Variants in ASAP2 observed in about 807,000 individuals in gnomAD.
The protein encoded by ASAP2 is ArfGAP with SH3 domain, ankyrin repeat and PH domain 2.
Under a neutral mutation model 131.4 loss-of-function variants are expected in ASAP2, and 45 were observed. That is an observed-to-expected ratio of 0.34 (90% CI 0.27 to 0.44). ASAP2 has a LOEUF of 0.44. Ranked by LOEUF, ASAP2 falls within the 20% of genes least tolerant of loss-of-function variation. ASAP2 has a pLI of 1.00. For missense variants in ASAP2, 1,011 were observed against 1,297.0 expected (o/e 0.78, Z 3.39); for synonymous variants, 510 against 503.0 (o/e 1.01, Z -0.19).
At chr2:9,328,759 T>C (rs1173159719) in intron 7 of ASAP2, among the ~76,000 whole-genome samples, 2 of 152,122 alleles carry the variant, frequency 1.3e-5, no homozygotes, top group African/African-American at 4.8e-5. Context: ...CCAACACACA[T>C]GTCAGGTGCT....
chr2:9,291,915 C>T (rs184197261), intron 2 of ASAP2, among the ~76,000 whole-genome samples: 1 of 152,000 alleles, frequency 6.6e-6, no homozygotes, highest in Admixed American at 6.6e-5. Context: ...CAGCTCTTAG[C>T]TCTTATCTAG....
chr2:9,312,883 G>A (rs181389904), intron 3 of ASAP2, among the ~76,000 whole-genome samples: 4 of 152,194 alleles, frequency 2.6e-5, no homozygotes, highest in East Asian at 3.9e-4. Flanking sequence ...ATGAAACCCC[G>A]TCTCTACTAA....
chr2:9,258,208 T>C (rs1665297760), intron 1 of ASAP2, among the ~76,000 whole-genome samples: 1 of 148,444 alleles, frequency 6.7e-6, no homozygotes, highest in South Asian at 2.1e-4. Context: ...GTGTGGGGGC[T>C]CACGCCTGGC....
At position 9,281,406 on chromosome 2, in the gene ASAP2, G is replaced by A. The variant is rs1392747390; in HGVS notation, c.199+2017G>A. Among the ~76,000 whole-genome samples the A allele has an allele frequency of 6.6e-6, 1 of 152,196 alleles. No homozygotes were observed. The highest frequency in any genetic ancestry group is 1.5e-5 in the Non-Finnish European group (1 of 68,036). Reference sequence around the variant, plus strand: ...ACAGCCCTGCATTTGAAGGGAGAAGGCGCTAGTGCTTCGGTGTCAGGAAGC... The same window carrying A: ...ACAGCCCTGCATTTGAAGGGAGAAGACGCTAGTGCTTCGGTGTCAGGAAGC... On this transcript the variant is annotated intron_variant, in intron 2 of 27. Transcript: ENST00000281419. The surrounding 1 kb of genome is among the most constrained non-coding windows in gnomAD (Gnocchi z 4.0).
At chr2:9,253,777 A>G (rs1664895091) in intron 1 of ASAP2, among the ~76,000 whole-genome samples, 1 of 152,154 alleles carries the variant, frequency 6.6e-6, no homozygotes, top group African/African-American at 2.4e-5. Context: ...GTTCTGTTGT[A>G]TGGATACAGA....
chr2:9,313,095 T>C (rs1669413928), intron 3 of ASAP2, among the ~76,000 whole-genome samples: 1 of 151,500 alleles, frequency 6.6e-6, no homozygotes, highest in Non-Finnish European at 1.5e-5. Context: ...GGTTGTTGAG[T>C]GTCTCATTGC....
At chr2:9,293,307 T>C (rs1223402906) in intron 2 of ASAP2, among the ~76,000 whole-genome samples, 2 of 152,190 alleles carry the variant, frequency 1.3e-5, no homozygotes, top group Non-Finnish European at 2.9e-5. Context: ...AACGAAGTCT[T>C]GTCCTAGCAT....
rs1234065099 is a variant in ASAP2, at chr2:9,327,883, C to T, written c.658C>T (p.Leu220=). ...AAAGGGAGTAGATTTACTTCAGAAT[C>T]TGATCAAATACTTTCATGCCCAATG... ...IKKGVDLLQN[L]IKYFHAQCNF... Residue 220 remains leucine, a synonymous_variant, in exon 7 of 28, where the codon CTG becomes TTG. Transcript: ENST00000281419. 5 of 1,584,598 alleles carry T rather than the reference C, an allele frequency of 3.2e-6. No individual in the cohort carries two copies. The highest frequency in any genetic ancestry group is 2.4e-5 in the South Asian group (2 of 84,648).
At chr2:9,391,918 T>C (rs968098994) in intron 23 of ASAP2, among the ~76,000 whole-genome samples, 15 of 151,948 alleles carry the variant, frequency 9.9e-5, no homozygotes, top group African/African-American at 3.6e-4. Context: ...TCTCTCTTTG[T>C]CCCCCAGGCT....
chr2:9,344,455 A>T, intron 9 of ASAP2, 77 bp from the exon 10 acceptor site: 2 of 1,232,804 alleles, frequency 1.6e-6, no homozygotes, highest in Non-Finnish European at 1.2e-6. Context: ...CATTAGGCAT[A>T]AGTTTCCTTT....
At chr2:9,380,859 AG>A (rs937358949) in intron 20 of ASAP2, 51 bp downstream of exon 20, 3 of 1,564,382 alleles carry the variant, frequency 1.9e-6, no homozygotes, top group Admixed American at 3.4e-5. Flanking sequence ...CGGGACAGGG[AG>A]CCAAGCCTGT....
At chr2:9,208,389 AT>A (rs1661293445) in intron 1 of ASAP2, among the ~76,000 whole-genome samples, 3 of 150,550 alleles carry the variant, frequency 2.0e-5, no homozygotes, top group Non-Finnish European at 4.4e-5. Flanking sequence ...AAATGAAGCA[AT>A]GGCGTTATTT....
At chr2:9,329,609 T>A (rs1433823898) in intron 7 of ASAP2, among the ~76,000 whole-genome samples, 1 of 152,204 alleles carries the variant, frequency 6.6e-6, no homozygotes, top group Non-Finnish European at 1.5e-5. Flanking sequence ...CAAGGGTGGA[T>A]GTGGGCAATT....
At chr2:9,289,188 G>A (rs1216877466) in intron 2 of ASAP2, among the ~76,000 whole-genome samples, 2 of 152,190 alleles carry the variant, frequency 1.3e-5, no homozygotes, top group Non-Finnish European at 2.9e-5. Context: ...CTGGGATGAA[G>A]TTCCTCATCT....
chr2:9,308,397 G>A (rs904533321), intron 3 of ASAP2, among the ~76,000 whole-genome samples: 3 of 152,194 alleles, frequency 2.0e-5, no homozygotes, highest in Non-Finnish European at 2.9e-5. Flanking sequence ...CTTCACCCCC[G>A]TGATTGAGTC....
intron 1 of ASAP2, among the ~76,000 whole-genome samples, chr2:9,243,213 A>G (rs755883091): frequency 6.6e-6 from 1 of 152,148 alleles, no homozygotes; most frequent in Admixed American, 6.5e-5. Flanking sequence ...GGTTCACGCC[A>G]TTCTCCTGCC....
In ASAP2 at chr2:9,207,196, C is replaced by G. The variant is rs140100102; in HGVS notation, c.92C>G (p.Ala31Gly). 8 of 1,602,164 alleles carry G rather than the reference C, an allele frequency of 5.0e-6. No homozygotes were observed. In the East Asian group the frequency reaches 1.8e-4, roughly 36 times the overall value. ...GCCTCCAGCTTCACCACCCGCACGG[C>G]GCAGTGCCGGAACACTGTGGCGGCC... ...PTASSFTTRTAQCRNTVAAIE... is the reference protein window; with the variant it reads ...PTASSFTTRTGQCRNTVAAIE... Residue 31 changes from alanine (A) to glycine (G), a missense_variant, in exon 1 of 28, where the codon GCG becomes GGG. Ala to Gly is a moderately conservative substitution (Grantham distance 60). Transcript: ENST00000281419. The surrounding 1 kb of genome is among the most constrained non-coding windows in gnomAD (Gnocchi z 4.1).
intron 1 of ASAP2, chr2:9,271,361 T>C (rs1666382355): frequency 8.0e-7 from 1 of 1,244,488 alleles, no homozygotes; most frequent in African/African-American, 1.5e-5. Context: ...TATATGTTCT[T>C]GCACCTGTCA....
intron 27 of ASAP2, among the ~76,000 whole-genome samples, chr2:9,402,002 C>T (rs1178368693): frequency 6.6e-6 from 1 of 152,174 alleles, no homozygotes; most frequent in Non-Finnish European, 1.5e-5. Context: ...ACAGTGAGGG[C>T]GGTGGATGAA....
Sources: allele counts gnomAD v4.1 joint callset (sites outside exome capture counted in the v4.1 genomes callset), GRCh38; gene constraint gnomAD v4.1.1; non-coding constraint Gnocchi (gnomAD v3.1); transcripts MANE v1.5; gene names NCBI Gene and HGNC (gene_info 2026-07-23, HGNC 2026-07-21).